The following PCBP2 variants were observed in gnomAD, a reference collection of about 807,000 sequenced individuals.
PCBP2 encodes poly(rC)-binding protein 2.
A neutral mutation model predicts 50.1 loss-of-function variants in PCBP2; 4 were observed. The observed-to-expected ratio is 0.08, with a 90% CI of 0.04 to 0.18. The LOEUF (loss-of-function observed/expected upper bound fraction) is 0.18. PCBP2 is among the 10% of genes least tolerant of loss of function. The probability of loss-of-function intolerance (pLI) is 1.00; values close to 1 mark genes in which losing one functional copy is unlikely to be tolerated. For synonymous variants in PCBP2, 179 were observed against 168.0 expected, an observed-to-expected ratio of 1.07 and a Z score of -0.51; for missense variants, 161 against 474.3, an observed-to-expected ratio of 0.34 and a Z score of 6.14.
chr12:53,476,940 C>A (rs1031018664), intron 14 of PCBP2, among the ~76,000 whole-genome samples: 12 of 152,196 alleles, frequency 7.9e-5, no homozygotes, highest in African/African-American at 2.9e-4. Flanking sequence ...TGGAAGGCCT[C>A]TTAACCTAAT....
intron 14 of PCBP2, among the ~76,000 whole-genome samples, chr12:53,478,155 G>A (rs1050238530): frequency 1.3e-5 from 2 of 152,206 alleles, no homozygotes; most frequent in African/African-American, 4.8e-5. Flanking sequence ...CTTGTAGAGT[G>A]AGCTACAGAG....
At chr12:53,468,609 ACCCTTCT>A (rs1941981526) in intron 12 of PCBP2, 161 bp from the exon 13 acceptor site, 4 of 615,330 alleles carry the variant, frequency 6.5e-6, no homozygotes, top group Admixed American at 5.8e-5. Context: ...TTATTTCTAC[ACCCTTCT>A]CCCCCACTCT....
Position 53,452,579 on chromosome 12 carries a change from TC to T in PCBP2, c.-76+209del, listed in dbSNP as rs893124299. 1.6e-4 allele frequency among the ~76,000 whole-genome samples: 23 copies of T among 148,142 alleles called. No homozygotes were observed. The East Asian group carries it at 2.0e-3, about 13-fold the overall frequency. ...CTAGTAGGCCTCGCGCAAGGCCTAT[TC>T]CCCCCTCCCCCCGCCTTTTCCCGGT... On this transcript the variant is annotated intron_variant, in intron 1 of 14. Transcript: ENST00000546463.
At chr12:53,464,270 C>T (rs1262486643) in intron 8 of PCBP2, among the ~76,000 whole-genome samples, 9 of 151,956 alleles carry the variant, frequency 5.9e-5, no homozygotes, top group Non-Finnish European at 1.3e-4. Context: ...TTTCCACTCC[C>T]CATCACACCT....
chr12:53,453,515 C>T (rs962201681), intron 1 of PCBP2, among the ~76,000 whole-genome samples: 2 of 152,104 alleles, frequency 1.3e-5, no homozygotes, highest in Non-Finnish European at 1.5e-5. Context: ...GACAGTTTGC[C>T]ATATACAGAA....
At position 53,481,066 on chromosome 12, in the gene PCBP2, T is replaced by A. The variant is rs1299715883; in HGVS notation, c.*1624T>A. On this transcript the variant is annotated 3_prime_UTR_variant, in exon 15 of 15. Coordinates refer to ENST00000546463, the MANE Select transcript of PCBP2 (RefSeq NM_031989.5). Reference sequence around the variant, plus strand: ...GGGATCAGTCTCCCTCGAGCCTGACTTACGGCTGGGACAGCCCCATCTTTC... The same window carrying A: ...GGGATCAGTCTCCCTCGAGCCTGACATACGGCTGGGACAGCCCCATCTTTC... 2.8e-6 allele frequency: 1 copy of A among 362,608 alleles called. No homozygotes were observed. Among genetic ancestry groups the A allele is most frequent in the African/African-American group, 2.2e-5 (1 of 45,398 alleles). 22.5% of individuals were successfully genotyped at this position (362,608 alleles called of 1,614,324 possible).
At chr12:53,461,194 A>G in intron 7 of PCBP2, 51 bp downstream of exon 7, 1 of 1,594,348 alleles carries the variant, frequency 6.3e-7, no homozygotes, top group Non-Finnish European at 8.6e-7. Context: ...TTCTGGGGAC[A>G]GAGGGACTGA....
chr12:53,479,571 T>C lies in PCBP2; in HGVS notation c.*129T>C, dbSNP rs1006176691. 1.4e-6 allele frequency: 1 copy of C among 699,416 alleles called. No individual in the cohort carries two copies. The highest frequency in any genetic ancestry group is 1.8e-5 in the African/African-American group (1 of 56,934). The allele number at this position is 699,416 out of a possible 1,614,324, so 43.3% of individuals were successfully genotyped here. Reference sequence around the variant, plus strand: ...GTAAATTTTCAGTTTCTACACACTTTATCATCCACTCGTGATTTTTTAATT... The same window carrying C: ...GTAAATTTTCAGTTTCTACACACTTCATCATCCACTCGTGATTTTTTAATT... On this transcript the variant is annotated 3_prime_UTR_variant, in exon 15 of 15. Coordinates refer to ENST00000546463, the MANE Select transcript of PCBP2 (RefSeq NM_031989.5).
chr12:53,466,325 T>C (rs901032421), intron 10 of PCBP2, among the ~76,000 whole-genome samples: 1 of 152,248 alleles, frequency 6.6e-6, no homozygotes, highest in Non-Finnish European at 1.5e-5. Flanking sequence ...CATGCAGTTC[T>C]CTTTTCCATG....
chr12:53,459,179 A>G (rs1350583688), intron 5 of PCBP2, 93 bp from the exon 6 acceptor site: 3 of 1,123,388 alleles, frequency 2.7e-6, no homozygotes, highest in Admixed American at 2.5e-5. Flanking sequence ...ATGTCCTAAT[A>G]AGATCACTTA....
chr12:53,467,724 G>C, intron 11 of PCBP2, 81 bp from the exon 12 acceptor site: 2 of 1,096,494 alleles, frequency 1.8e-6, no homozygotes, highest in Non-Finnish European at 2.7e-6. Flanking sequence ...TTCGTTTTTG[G>C]GGCTTTTCTG....
intron 13 of PCBP2, among the ~76,000 whole-genome samples, chr12:53,469,955 A>G (rs1942094258): frequency 6.6e-6 from 1 of 151,834 alleles, no homozygotes; most frequent in African/African-American, 2.4e-5. Context: ...CATGTTGGTC[A>G]GGCTGGTCTT....
At chr12:53,470,073 G>A (rs951218307) in intron 13 of PCBP2, among the ~76,000 whole-genome samples, 1 of 151,870 alleles carries the variant, frequency 6.6e-6, no homozygotes, top group East Asian at 1.9e-4. Flanking sequence ...AGAAGCTAAA[G>A]CCTTATCTTT....
intron 13 of PCBP2, 55 bp from the exon 14 acceptor site, chr12:53,471,583 A>T: frequency 6.7e-7 from 1 of 1,496,384 alleles, no homozygotes; most frequent in African/African-American, 1.4e-5. Context: ...TGGGATTCTT[A>T]GACCTAGCCA....
chr12:53,459,178 T>G (rs1360815752), intron 5 of PCBP2, 94 bp from the exon 6 acceptor site: 8 of 1,112,616 alleles, frequency 7.2e-6, no homozygotes, highest in Non-Finnish European at 9.8e-6. Flanking sequence ...CATGTCCTAA[T>G]AAGATCACTT....
intron 13 of PCBP2, among the ~76,000 whole-genome samples, chr12:53,469,046 G>T (rs1339501113): frequency 6.6e-6 from 1 of 151,728 alleles, no homozygotes; most frequent in Non-Finnish European, 1.5e-5. Flanking sequence ...GGGATTACAG[G>T]CATGTGCCAC....
At chr12:53,455,540 C>CT in intron 4 of PCBP2, 47 bp downstream of exon 4, 1 of 1,583,510 alleles carries the variant, frequency 6.3e-7, no homozygotes, top group South Asian at 1.1e-5. Context: ...AGTAAAAAAC[C>CT]TTTAAAACAA....
At chr12:53,465,356 A>G (rs1210951379) in intron 9 of PCBP2, among the ~76,000 whole-genome samples, 1 of 152,130 alleles carries the variant, frequency 6.6e-6, no homozygotes, top group Non-Finnish European at 1.5e-5. Flanking sequence ...GTGGGAGAAG[A>G]CAGGAATTAG....
At chr12:53,454,075 C>G (rs1940801165) in intron 1 of PCBP2, among the ~76,000 whole-genome samples, 1 of 152,158 alleles carries the variant, frequency 6.6e-6, no homozygotes, top group African/African-American at 2.4e-5. Context: ...GAAAAAGACT[C>G]AAGTGTACTT....
Sources: gnomAD v4.1 joint callset for allele counts (sites outside exome capture counted in the v4.1 genomes callset) on GRCh38, gnomAD v4.1.1 for gene constraint, MANE v1.5 for transcripts, NCBI Gene and HGNC (gene_info 2026-07-23, HGNC 2026-07-21) for gene names.